PLCB1: variants seen among roughly 807,000 people sequenced by gnomAD.
The protein encoded by PLCB1 is phospholipase C beta 1.
A neutral mutation model predicts 161.8 loss-of-function variants in PLCB1; 46 were observed. The ratio of observed to expected loss-of-function variants is 0.28; its 90% CI spans 0.22 to 0.36. The LOEUF (loss-of-function observed/expected upper bound fraction) is 0.36. Ranked by LOEUF, PLCB1 falls within the 10% of genes least tolerant of loss-of-function variation. The pLI is 1.00. For missense variants in PLCB1, 1,016 were observed against 1,472.5 expected, an observed-to-expected ratio of 0.69 and a Z score of 5.07; for synonymous variants, 517 against 503.7, an observed-to-expected ratio of 1.03 and a Z score of -0.35.
chr20:8,256,449 C>G (rs945178208), intron 2 of PLCB1, among the ~76,000 whole-genome samples: 1 of 152,060 alleles, frequency 6.6e-6, no homozygotes, highest in Non-Finnish European at 1.5e-5. Flanking sequence ...CAGGCCTGTT[C>G]AAAGGGCAAA....
At chr20:8,699,120 CT>C (rs1990644685) in intron 11 of PLCB1, among the ~76,000 whole-genome samples, 1 of 152,162 alleles carries the variant, frequency 6.6e-6, no homozygotes, top group African/African-American at 2.4e-5. Context: ...TTTCTCACCC[CT>C]TTAAATGGGA....
At chr20:8,682,578 G>A (rs6055998) in intron 9 of PLCB1, among the ~76,000 whole-genome samples, 6,958 of 152,270 alleles carry the variant, frequency 0.046, 521 homozygotes, top group African/African-American at 0.16. Flanking sequence ...GTCACCTTGA[G>A]AAATGTATTG....
Position 8,716,244 on chromosome 20 carries a change from C to T in PLCB1, c.1251-20C>T, listed in dbSNP as rs2123465564. 11 of 1,600,324 alleles carry T rather than the reference C, an allele frequency of 6.9e-6. No individual in the cohort carries two copies. Among genetic ancestry groups the T allele is most frequent in the Non-Finnish European group, 9.4e-6 (11 of 1,167,468 alleles). ...GATAAGCCTCCCTACTTTCCTTCTT[C>T]TGTTCTTGTTCTCCCTTAGCCCAAA... On this transcript the variant is annotated intron_variant, in intron 12 of 31. Transcript: ENST00000338037.
At chr20:8,791,119 A>G (rs1311355509) in intron 31 of PLCB1, among the ~76,000 whole-genome samples, 1 of 152,098 alleles carries the variant, frequency 6.6e-6, no homozygotes, top group African/African-American at 2.4e-5. Flanking sequence ...ATAATTCTAA[A>G]TATATTTTCA....
intron 2 of PLCB1, among the ~76,000 whole-genome samples, chr20:8,213,883 C>G (rs1342495017): frequency 6.6e-6 from 1 of 151,898 alleles, no homozygotes; most frequent in Non-Finnish European, 1.5e-5. Flanking sequence ...CCCAGTAATG[C>G]GGTTACTTTC....
chr20:8,782,084 A>G (rs561821230), intron 27 of PLCB1, among the ~76,000 whole-genome samples: 10 of 150,782 alleles, frequency 6.6e-5, no homozygotes, highest in African/African-American at 2.5e-4. Context: ...TTGAGACTCA[A>G]ATAAGCAGCT....
At chr20:8,640,264 A>G (rs181212886) in intron 4 of PLCB1, among the ~76,000 whole-genome samples, 3 of 152,376 alleles carry the variant, frequency 2.0e-5, no homozygotes, top group Admixed American at 6.5e-5. Context: ...AACTGCTTTC[A>G]TAATAAGCAG....
intron 16 of PLCB1, 98 bp downstream of exon 16, chr20:8,724,850 G>T (rs1036785066): frequency 1.5e-5 from 10 of 654,148 alleles, no homozygotes; most frequent in East Asian, 5.5e-5. Context: ...TTAATAGAGA[G>T]ATTTATGCTT....
chr20:8,328,268 TG>T (rs1302215685), intron 2 of PLCB1, among the ~76,000 whole-genome samples: 1 of 152,136 alleles, frequency 6.6e-6, no homozygotes, highest in Non-Finnish European at 1.5e-5. Context: ...TTTAATATTT[TG>T]TTCACCAAAT....
chr20:8,345,206 G>T lies in PLCB1; in HGVS notation c.178-26176G>T, dbSNP rs149621856. Among the ~76,000 whole-genome samples, 469 of 152,234 alleles carry T rather than the reference G, an allele frequency of 3.1e-3. 3 individuals carry two copies. The highest frequency in any genetic ancestry group is 0.011 in the African/African-American group (443 of 41,554). Reference sequence around the variant, plus strand: ...TCTGGGTCCTTTTATGTGCTGACATGGATGCATTTGAAGGATTTGAAATGT... The same window carrying T: ...TCTGGGTCCTTTTATGTGCTGACATTGATGCATTTGAAGGATTTGAAATGT... On this transcript the variant is annotated intron_variant, in intron 2 of 31. Transcript: ENST00000338037.
At chr20:8,157,460 G>A (rs1195288351) in intron 2 of PLCB1, among the ~76,000 whole-genome samples, 1 of 152,164 alleles carries the variant, frequency 6.6e-6, no homozygotes, top group Admixed American at 6.5e-5. Context: ...GGATAGTTTA[G>A]CCACTAAGCC....
intron 24 of PLCB1, among the ~76,000 whole-genome samples, chr20:8,758,762 G>T (rs1422818798): frequency 6.6e-6 from 1 of 152,092 alleles, no homozygotes; most frequent in Admixed American, 6.6e-5. Context: ...AAGTAAAAGA[G>T]AATTTAGCAT....
chr20:8,333,674 G>A (rs551283700), intron 2 of PLCB1, among the ~76,000 whole-genome samples: 1 of 152,290 alleles, frequency 6.6e-6, no homozygotes, highest in South Asian at 2.1e-4. Context: ...CCAAAATGTT[G>A]ATAGTGCTGA....
chr20:8,134,617 G>A (rs1207337831), intron 1 of PLCB1, among the ~76,000 whole-genome samples: 1 of 152,132 alleles, frequency 6.6e-6, no homozygotes. Flanking sequence ...GGTGAAAAAA[G>A]TAGACAAAAT....
At chr20:8,527,753 G>A (rs1018197947) in intron 3 of PLCB1, among the ~76,000 whole-genome samples, 1 of 151,946 alleles carries the variant, frequency 6.6e-6, no homozygotes, top group East Asian at 1.9e-4. Flanking sequence ...TAAGATCTAT[G>A]CACATTATTG....
chr20:8,360,555 C>T (rs112825318), intron 2 of PLCB1, among the ~76,000 whole-genome samples: 4 of 152,128 alleles, frequency 2.6e-5, no homozygotes, highest in African/African-American at 7.2e-5. Context: ...GTAAAATTTA[C>T]GCACTTAGGC....
At chr20:8,526,898 C>T (rs779857184) in intron 3 of PLCB1, among the ~76,000 whole-genome samples, 3 of 151,982 alleles carry the variant, frequency 2.0e-5, no homozygotes, top group African/African-American at 7.2e-5. Context: ...AGGTTTTCAC[C>T]CCTCATCTTT....
At chr20:8,348,706 G>A (rs1175587947) in intron 2 of PLCB1, among the ~76,000 whole-genome samples, 1 of 152,112 alleles carries the variant, frequency 6.6e-6, no homozygotes, top group Non-Finnish European at 1.5e-5. Flanking sequence ...TGCTGTTTTG[G>A]CCTTTTTAGA....
At chr20:8,514,948 A>G (rs1984050523) in intron 3 of PLCB1, among the ~76,000 whole-genome samples, 1 of 152,196 alleles carries the variant, frequency 6.6e-6, no homozygotes, top group Admixed American at 6.5e-5. Flanking sequence ...GTTTCCAATA[A>G]GTACCCAGGT....
Sources: gnomAD v4.1 joint callset for allele counts (sites outside exome capture counted in the v4.1 genomes callset) on GRCh38, gnomAD v4.1.1 for gene constraint, MANE v1.5 for transcripts, NCBI Gene and HGNC (gene_info 2026-07-23, HGNC 2026-07-21) for gene names.